Variants in CTNNA2 observed in about 807,000 individuals in gnomAD.
CTNNA2 encodes the protein catenin alpha 2, also known as catenin alpha-2.
In CTNNA2, 42 loss-of-function variants were observed where a neutral mutation model predicts 101.0. The observed-to-expected ratio is 0.42, with a 90% CI of 0.32 to 0.54. The LOEUF (loss-of-function observed/expected upper bound fraction) is 0.54, where lower values mean the gene tolerates loss of function less well. CTNNA2 is among the 20% of genes least tolerant of loss of function. CTNNA2 has a pLI of 0.14. For missense variants in CTNNA2, 871 were observed against 1,223.1 expected (o/e 0.71, Z 4.29); for synonymous variants, 450 against 456.4 (o/e 0.99, Z 0.18).
In CTNNA2 at chr2:79,664,705, C is replaced by CTTTTTTTTTTTTTT. The variant is rs67782114; in HGVS notation, c.102+13060_102+13073dup. 1.6e-4 allele frequency among the ~76,000 whole-genome samples: 15 copies of CTTTTTTTTTTTTTT among 94,988 alleles called. 1 individual carries two copies. Among genetic ancestry groups the CTTTTTTTTTTTTTT allele is most frequent in the African/African-American group, 6.5e-4 (15 of 22,946 alleles). 62.3% of individuals were successfully genotyped at this position (94,988 alleles called of 152,430 possible). A position where few individuals can be genotyped will look rare whatever the true frequency, so the allele number is the denominator to read the frequency against. ...TAAATTCTGGAGAATTCACATTCTT[C>CTTTTTTTTTTTTTT]TTTTTTTTTTTTTTTTTTTTTTTTT... On this transcript the variant is annotated intron_variant, in intron 2 of 18. Transcript: ENST00000402739.
chr2:79,605,037 G>T (rs1036531999), intron 1 of CTNNA2, among the ~76,000 whole-genome samples: 1 of 152,110 alleles, frequency 6.6e-6, no homozygotes. Flanking sequence ...AGGACACAAA[G>T]CAATCAATCA....
intron 9 of CTNNA2, among the ~76,000 whole-genome samples, chr2:80,489,949 A>C (rs1686908361): frequency 6.6e-6 from 1 of 152,174 alleles, no homozygotes; most frequent in Admixed American, 6.6e-5. Flanking sequence ...TCCAAGTGAC[A>C]GGAAACAGGT....
intron 3 of CTNNA2, among the ~76,000 whole-genome samples, chr2:79,856,498 T>C (rs1681145264): frequency 6.6e-6 from 1 of 152,324 alleles, no homozygotes; most frequent in African/African-American, 2.4e-5. Flanking sequence ...TGATCTTGAG[T>C]TAAAAAATCT....
chr2:79,465,842 A>C (rs1670928557), intron 4 of CTNNA2, among the ~76,000 whole-genome samples: 1 of 152,138 alleles, frequency 6.6e-6, no homozygotes, highest in South Asian at 2.1e-4. Flanking sequence ...GTATCCTGAG[A>C]CTTTGCTGAA....
intron 4 of CTNNA2, among the ~76,000 whole-genome samples, chr2:79,497,314 C>G (rs566363505): frequency 4.1e-4 from 63 of 152,250 alleles, no homozygotes; most frequent in African/African-American, 1.5e-3. Context: ...ACATTTCTGC[C>G]TTATTGATTC....
chr2:79,415,824 T>C (rs1024039831), intron 4 of CTNNA2, among the ~76,000 whole-genome samples: 4 of 152,134 alleles, frequency 2.6e-5, no homozygotes, highest in Admixed American at 2.0e-4. Context: ...TTCTTACCTT[T>C]TGTAGGTAAA....
At chr2:79,751,024 T>C (rs1671997475) in intron 3 of CTNNA2, among the ~76,000 whole-genome samples, 1 of 152,162 alleles carries the variant, frequency 6.6e-6, no homozygotes, top group South Asian at 2.1e-4. Context: ...AAGTATATAC[T>C]GGGCAGTCAA....
intron 7 of CTNNA2, among the ~76,000 whole-genome samples, chr2:80,112,957 T>C (rs1376338979): frequency 6.6e-6 from 1 of 152,164 alleles, no homozygotes. Flanking sequence ...ACTGGAGCAG[T>C]ATCTTACCTG....
intron 7 of CTNNA2, among the ~76,000 whole-genome samples, chr2:80,185,884 T>C (rs976743520): frequency 8.5e-5 from 13 of 152,236 alleles, no homozygotes; most frequent in East Asian, 1.9e-4. Context: ...TATGCCACCA[T>C]GATCATGATT....
chr2:79,582,399 A>G (rs961055636), intron 1 of CTNNA2, among the ~76,000 whole-genome samples: 1 of 152,182 alleles, frequency 6.6e-6, no homozygotes, highest in Non-Finnish European at 1.5e-5. Context: ...TATAGATGCT[A>G]GAACTACACA....
intron 3 of CTNNA2, among the ~76,000 whole-genome samples, chr2:79,373,021 T>TA (rs1472529464): frequency 6.6e-6 from 1 of 152,096 alleles, no homozygotes; most frequent in African/African-American, 2.4e-5. Flanking sequence ...TAAAAGATAA[T>TA]AAGGTGAATA....
At chr2:79,288,713 G>A (rs891852673) in intron 2 of CTNNA2, among the ~76,000 whole-genome samples, 2 of 152,148 alleles carry the variant, frequency 1.3e-5, no homozygotes, top group Admixed American at 6.5e-5. Flanking sequence ...ATTAGAGGTT[G>A]CCAGTCTCTT....
intron 1 of CTNNA2, among the ~76,000 whole-genome samples, chr2:79,636,041 C>A (rs1158552586): frequency 3.4e-5 from 5 of 148,638 alleles, no homozygotes; most frequent in African/African-American, 1.2e-4. Context: ...GCAGGCGGAT[C>A]ACGAGGTCAG....
intron 7 of CTNNA2, among the ~76,000 whole-genome samples, chr2:80,317,034 G>A (rs1678197115): frequency 6.6e-6 from 1 of 152,002 alleles, no homozygotes; most frequent in Non-Finnish European, 1.5e-5. Context: ...ATGAGCAAGG[G>A]GAAGCCATTT....
At chr2:80,346,353 G>C (rs1407873634) in intron 7 of CTNNA2, among the ~76,000 whole-genome samples, 2 of 152,178 alleles carry the variant, frequency 1.3e-5, no homozygotes, top group African/African-American at 4.8e-5. Context: ...GCAGGCAAGA[G>C]TAAAAGAGAG....
chr2:79,796,260 C>A (rs1354761641), intron 3 of CTNNA2, among the ~76,000 whole-genome samples: 2 of 152,054 alleles, frequency 1.3e-5, no homozygotes, highest in Non-Finnish European at 2.9e-5. Flanking sequence ...ATATTGTAAT[C>A]CCTTTAACAG....
chr2:79,399,878 C>T (rs1330488493), intron 4 of CTNNA2, among the ~76,000 whole-genome samples: 1 of 151,800 alleles, frequency 6.6e-6, no homozygotes, highest in Non-Finnish European at 1.5e-5. Flanking sequence ...GAGAATGATT[C>T]CCTATGTGAA....
chr2:80,389,002 A>G (rs894834616), intron 7 of CTNNA2, among the ~76,000 whole-genome samples: 6 of 152,264 alleles, frequency 3.9e-5, no homozygotes, highest in South Asian at 2.1e-4. Context: ...TGTATTTAAA[A>G]TGAACTGCCC....
intron 9 of CTNNA2, among the ~76,000 whole-genome samples, chr2:80,518,712 TTGAC>T (rs2149568706): frequency 6.6e-6 from 1 of 152,310 alleles, no homozygotes; most frequent in East Asian, 1.9e-4. Flanking sequence ...TCAAATATTC[TTGAC>T]TATTTATATG....
Sources: gnomAD v4.1 joint callset for allele counts (sites outside exome capture counted in the v4.1 genomes callset) on GRCh38, gnomAD v4.1.1 for gene constraint, MANE v1.5 for transcripts, NCBI Gene and HGNC (gene_info 2026-07-23, HGNC 2026-07-21) for gene names.